Variants in GULP1 observed in about 807,000 individuals in gnomAD.
GULP1 encodes the protein PTB domain-containing engulfment adapter protein 1.
In GULP1, 19 loss-of-function variants were observed where a neutral mutation model predicts 40.9. The ratio of observed to expected loss-of-function variants is 0.46; its 90% CI spans 0.32 to 0.68. GULP1 has a LOEUF of 0.68. GULP1 is among the 30% of genes least tolerant of loss of function. The pLI, the probability that GULP1 is intolerant of heterozygous loss-of-function variation, is 0.03. For missense variants in GULP1, 312 were observed against 362.2 expected (o/e 0.86, Z 1.12); for synonymous variants, 119 against 117.6 (o/e 1.01, Z -0.08).
intron 1 of GULP1, among the ~76,000 whole-genome samples, chr2:188,302,291 A>G (rs113303848): frequency 2.6e-5 from 4 of 152,320 alleles, no homozygotes; most frequent in South Asian, 2.1e-4. Context: ...TAGCAAAACT[A>G]GGAATAATCT....
intron 1 of GULP1, among the ~76,000 whole-genome samples, chr2:188,318,818 G>C (rs1226200784): frequency 6.6e-6 from 1 of 152,090 alleles, no homozygotes; most frequent in African/African-American, 2.4e-5. Context: ...TTCTAGGCGC[G>C]CTTCCTATGG....
At chr2:188,495,700 C>G (rs1486401189) in intron 4 of GULP1, among the ~76,000 whole-genome samples, 1 of 151,944 alleles carries the variant, frequency 6.6e-6, no homozygotes, top group Non-Finnish European at 1.5e-5. Flanking sequence ...ATAATACCTT[C>G]TTTATAGAGC....
chr2:188,296,380 G>A (rs1296034117), intron 1 of GULP1, among the ~76,000 whole-genome samples: 3 of 151,990 alleles, frequency 2.0e-5, no homozygotes, highest in African/African-American at 7.2e-5. Flanking sequence ...TGTTATTTGC[G>A]AGTTTTTTGT....
intron 5 of GULP1, among the ~76,000 whole-genome samples, chr2:188,523,084 G>T (rs983427876): frequency 3.3e-5 from 5 of 152,066 alleles, no homozygotes; most frequent in Non-Finnish European, 5.9e-5. Context: ...ATATTTTATG[G>T]CAGTGTGTCT....
At chr2:188,432,824 T>G (rs2057018783) in intron 2 of GULP1, among the ~76,000 whole-genome samples, 1 of 152,116 alleles carries the variant, frequency 6.6e-6, no homozygotes, top group Non-Finnish European at 1.5e-5. Context: ...TCAAGCCAAT[T>G]TGGTACCTCG....
chr2:188,591,354 C>T (rs1366388434), intron 11 of GULP1: 1 of 151,972 alleles, frequency 6.6e-6, no homozygotes, highest in African/African-American at 2.4e-5. Context: ...TAACTATGGC[C>T]TAGCAGTCTC....
At chr2:188,499,021 G>T (rs562263940) in intron 4 of GULP1, among the ~76,000 whole-genome samples, 1 of 149,902 alleles carries the variant, frequency 6.7e-6, no homozygotes, top group Admixed American at 6.7e-5. Flanking sequence ...TTTTATCCAA[G>T]GATTTTAATC....
chr2:188,301,562 G>A lies in GULP1; in HGVS notation c.-172+9396G>A, dbSNP rs188907035. 3.9e-5 allele frequency among the ~76,000 whole-genome samples: 6 copies of A among 152,230 alleles called. No homozygotes were observed. In the East Asian group the frequency reaches 1.2e-3, roughly 29 times the overall value. On this transcript the variant is annotated intron_variant, in intron 1 of 11. Transcript: ENST00000409830. The stretch of plus-strand genomic sequence containing the variant: ...TCCACTCTTTCCCACATAACTCAGG[G>A]GAAGTCAATCCTACTCCTAATTCAA...
At chr2:188,479,643 T>C (rs2061296665) in intron 3 of GULP1, among the ~76,000 whole-genome samples, 1 of 152,122 alleles carries the variant, frequency 6.6e-6, no homozygotes, top group Non-Finnish European at 1.5e-5. Flanking sequence ...CACTCTAACT[T>C]ATTTTTAATA....
At chr2:188,361,474 T>TA (rs1281810245) in intron 1 of GULP1, among the ~76,000 whole-genome samples, 1 of 152,024 alleles carries the variant, frequency 6.6e-6, no homozygotes, top group African/African-American at 2.4e-5. Flanking sequence ...TATAGGTCTG[T>TA]AAGTGTTGGC....
At chr2:188,552,421 T>C (rs1480017706) in intron 7 of GULP1, among the ~76,000 whole-genome samples, 1 of 151,854 alleles carries the variant, frequency 6.6e-6, no homozygotes, top group Non-Finnish European at 1.5e-5. Flanking sequence ...ATGTTCTTTC[T>C]CCAGTGTAAC....
Position 188,369,725 on chromosome 2 carries a change from G to T in GULP1, c.-171-14038G>T, listed in dbSNP as rs191768073. Among the ~76,000 whole-genome samples the T allele has an allele frequency of 1.3e-3, 201 of 152,218 alleles. 1 individual carries two copies. Among genetic ancestry groups the T allele is most frequent in the African/African-American group, 4.7e-3 (194 of 41,532 alleles). On this transcript the variant is annotated intron_variant, in intron 1 of 11. Transcript: ENST00000409830. ...TGAACTCTACTGCTTTATAACATCT[G>T]TAAAGTATCTTATTCCTCTGTGTCT...
chr2:188,492,682 TTAAAA>T (rs1269987520), intron 4 of GULP1, among the ~76,000 whole-genome samples: 1 of 152,028 alleles, frequency 6.6e-6, no homozygotes, highest in African/African-American at 2.4e-5. Flanking sequence ...GGATACTATT[TTAAAA>T]TAACGTTGAA....
Position 188,372,345 on chromosome 2 carries a change from A to G in GULP1, c.-171-11418A>G, listed in dbSNP as rs146766584. Among the ~76,000 whole-genome samples, 352 of 152,180 alleles carry G rather than the reference A, an allele frequency of 2.3e-3. 1 individual carries two copies. Among genetic ancestry groups the G allele is most frequent in the African/African-American group, 8.0e-3 (332 of 41,548 alleles). ...TTGGTCATTTACTTCTTTTAACTAC[A>G]TACAGCTTGGAAATTAAATATCGTT... On this transcript the variant is annotated intron_variant, in intron 1 of 11. Transcript: ENST00000409830.
intron 2 of GULP1, among the ~76,000 whole-genome samples, chr2:188,443,584 ATTATG>A (rs889880110): frequency 2.6e-5 from 4 of 152,214 alleles, no homozygotes; most frequent in Admixed American, 2.6e-4. Context: ...ATCAGTTTAT[ATTATG>A]AGAAATTTAG....
rs540946008 is a variant in GULP1, at chr2:188,517,145, G to T, written c.91-5611G>T. On this transcript the variant is annotated intron_variant, in intron 4 of 11. Transcript: ENST00000409830. ...TTTTTTTTAATTAACAGATAATATT[G>T]TATGTTTTTATTCTGTATGTTTTGA... is the stretch of plus-strand genomic sequence containing the variant. Among the ~76,000 whole-genome samples, 2 of 151,918 alleles carry T rather than the reference G, an allele frequency of 1.3e-5. 1 individual carries two copies. Among genetic ancestry groups the T allele is most frequent in the African/African-American group, 4.8e-5 (2 of 41,422 alleles).
At chr2:188,393,653 T>C (rs2050825137) in intron 2 of GULP1, among the ~76,000 whole-genome samples, 1 of 152,192 alleles carries the variant, frequency 6.6e-6, no homozygotes. Flanking sequence ...TTCTTTGTTA[T>C]TGTTTTTTAA....
At chr2:188,344,648 CAT>C (rs2043385074) in intron 1 of GULP1, among the ~76,000 whole-genome samples, 1 of 152,132 alleles carries the variant, frequency 6.6e-6, no homozygotes, top group Non-Finnish European at 1.5e-5. Context: ...GATTTCAGAA[CAT>C]GAGAGAGCAT....
intron 4 of GULP1, among the ~76,000 whole-genome samples, chr2:188,515,733 ACT>A (rs1491297854): frequency 3.3e-5 from 5 of 149,760 alleles, no homozygotes; most frequent in African/African-American, 1.2e-4. Context: ...ACACACACAC[ACT>A]CATGAGGATA....
Sources: gnomAD v4.1 joint callset for allele counts (sites outside exome capture counted in the v4.1 genomes callset) on GRCh38, gnomAD v4.1.1 for gene constraint, MANE v1.5 for transcripts, NCBI Gene and HGNC (gene_info 2026-07-23, HGNC 2026-07-21) for gene names.